The following FAT3 variants were observed in gnomAD, a reference collection of about 807,000 sequenced individuals.
FAT3 encodes the protein protocadherin Fat 3.
FAT3 carries 95 observed loss-of-function variants against 310.2 expected under a neutral mutation model. That is an observed-to-expected ratio of 0.31 (90% CI 0.26 to 0.36). The LOEUF (loss-of-function observed/expected upper bound fraction) is 0.36, where lower values mean the gene tolerates loss of function less well. Ranked by LOEUF, FAT3 falls within the 10% of genes least tolerant of loss-of-function variation. The pLI, the probability that FAT3 is intolerant of heterozygous loss-of-function variation, is 1.00. For synonymous variants in FAT3, 2,314 were observed against 2,192.9 expected (o/e 1.06, Z -1.54); for missense variants, 5,408 against 5,715.6 (o/e 0.95, Z 1.74).
intron 4 of FAT3, among the ~76,000 whole-genome samples, chr11:92,723,436 A>G (rs1470287564): frequency 6.6e-6 from 1 of 152,194 alleles, no homozygotes; most frequent in African/African-American, 2.4e-5. Flanking sequence ...ACAAGTCTCT[A>G]GGAAGTTCCA....
chr11:92,370,380 C>A (rs2134713423), intron 2 of FAT3, among the ~76,000 whole-genome samples: 1 of 152,212 alleles, frequency 6.6e-6, no homozygotes, highest in African/African-American at 2.4e-5. Context: ...AGTATGAGAT[C>A]CGAGGTTGTG....
intron 1 of FAT3, among the ~76,000 whole-genome samples, chr11:92,346,107 G>A (rs753528348): frequency 2.6e-5 from 4 of 152,010 alleles, no homozygotes; most frequent in Non-Finnish European, 5.9e-5. Flanking sequence ...CACCAACCAG[G>A]GAGTAAAACT....
intron 3 of FAT3, among the ~76,000 whole-genome samples, chr11:92,595,869 A>C (rs1939677478): frequency 6.6e-6 from 1 of 152,152 alleles, no homozygotes; most frequent in South Asian, 2.1e-4. Context: ...TAACTCTCCC[A>C]ACCTTCTGTC....
intron 21 of FAT3, among the ~76,000 whole-genome samples, chr11:92,862,699 G>T (rs918766186): frequency 5.9e-5 from 9 of 152,166 alleles, no homozygotes; most frequent in Non-Finnish European, 1.0e-4. Flanking sequence ...GAGTTTCAAT[G>T]ATCTATTTAA....
At chr11:92,707,522 C>A (rs373906167) in intron 4 of FAT3, among the ~76,000 whole-genome samples, 8 of 152,288 alleles carry the variant, frequency 5.3e-5, no homozygotes, top group African/African-American at 1.9e-4. Flanking sequence ...GTTGGTATTG[C>A]ACAACTGGCT....
chr11:92,439,155 C>T (rs1748524611), intron 2 of FAT3, among the ~76,000 whole-genome samples: 2 of 152,118 alleles, frequency 1.3e-5, no homozygotes, highest in Non-Finnish European at 2.9e-5. Flanking sequence ...TGTCTAAATT[C>T]CTTCACTTAC....
At chr11:92,782,203 A>G (rs1946771929) in intron 7 of FAT3, among the ~76,000 whole-genome samples, 3 of 152,124 alleles carry the variant, frequency 2.0e-5, no homozygotes, top group Admixed American at 1.3e-4. Context: ...ACGTGCATCT[A>G]TAGTTTCAGC....
intron 26 of FAT3, 49 bp downstream of exon 26, chr11:92,889,297 G>T: frequency 1.5e-6 from 1 of 673,066 alleles, no homozygotes. Flanking sequence ...TTGCTTCCTT[G>T]TTACTTTGGA....
intron 24 of FAT3, among the ~76,000 whole-genome samples, chr11:92,885,420 G>C (rs1949773690): frequency 6.6e-6 from 1 of 152,162 alleles, no homozygotes; most frequent in South Asian, 2.1e-4. Context: ...GTTCTTGGGA[G>C]CTTTGGCAGG....
intron 2 of FAT3, among the ~76,000 whole-genome samples, chr11:92,499,729 G>GTGTGTGTA (rs535960851): frequency 0.043 from 5,303 of 123,564 alleles, 113 homozygotes; most frequent in East Asian, 0.13. Flanking sequence ...GTGTATGTGT[G>GTGTGTGTA]TGTGTGTGTG....
chr11:92,555,906 G>C (rs1955001022), intron 3 of FAT3, among the ~76,000 whole-genome samples: 2 of 152,198 alleles, frequency 1.3e-5, no homozygotes, highest in Admixed American at 1.3e-4. Flanking sequence ...TTATATCCCA[G>C]CTCTGCCACT....
At chr11:92,504,551 A>G (rs529370265) in intron 2 of FAT3, among the ~76,000 whole-genome samples, 4 of 152,266 alleles carry the variant, frequency 2.6e-5, no homozygotes, top group East Asian at 1.9e-4. Context: ...TATGTTGCCT[A>G]TGTCTTTGAA....
At chr11:92,781,346 G>A (rs955902914) in intron 7 of FAT3, among the ~76,000 whole-genome samples, 7 of 151,470 alleles carry the variant, frequency 4.6e-5, no homozygotes, top group East Asian at 3.9e-4. Context: ...GCCTCCCACC[G>A]AGCCACCGCG....
At chr11:92,369,492 C>A (rs1949125491) in intron 2 of FAT3, among the ~76,000 whole-genome samples, 1 of 152,134 alleles carries the variant, frequency 6.6e-6, no homozygotes, top group South Asian at 2.1e-4. Context: ...GTGAGTGGAT[C>A]TGGCTCTTTG....
chr11:92,769,880 C>A (rs1442000868), intron 6 of FAT3, among the ~76,000 whole-genome samples: 1 of 152,152 alleles, frequency 6.6e-6, no homozygotes, highest in African/African-American at 2.4e-5. Flanking sequence ...TGAACCTTGT[C>A]CCCAGTGGAG....
chr11:92,229,599 C>A (rs1864085039), intron 1 of FAT3, among the ~76,000 whole-genome samples: 2 of 140,794 alleles, frequency 1.4e-5, no homozygotes. Flanking sequence ...AGAAATTCAG[C>A]TTAATGACAC....
intron 4 of FAT3, among the ~76,000 whole-genome samples, chr11:92,731,024 C>T (rs1463190512): frequency 6.6e-6 from 1 of 152,162 alleles, no homozygotes. Context: ...CTATCACCCA[C>T]CCCTTCACCC....
At chr11:92,848,599 A>G (rs1396091893) in intron 19 of FAT3, among the ~76,000 whole-genome samples, 3 of 152,274 alleles carry the variant, frequency 2.0e-5, no homozygotes, top group African/African-American at 4.8e-5. Flanking sequence ...CAGTGAGACC[A>G]TCAGAGTTTA....
At position 92,453,330 on chromosome 11, in the gene FAT3, C is replaced by T. The variant is rs16917595; in HGVS notation, c.3293-71304C>T. Among the ~76,000 whole-genome samples, 1,522 of 152,240 alleles carry T rather than the reference C, an allele frequency of 1.0e-2. 21 individuals carry two copies. The highest frequency in any genetic ancestry group is 0.035 in the African/African-American group (1,466 of 41,540). On this transcript the variant is annotated intron_variant, in intron 2 of 27. Transcript: ENST00000525166. ...ATGTTCATCATGTGCTGATACCAAG[C>T]TCGCTGCACTTTAAGCCAAGCAAAA...
Sources: gnomAD v4.1 joint callset for allele counts (sites outside exome capture counted in the v4.1 genomes callset) on GRCh38, gnomAD v4.1.1 for gene constraint, MANE v1.5 for transcripts, NCBI Gene and HGNC (gene_info 2026-07-23, HGNC 2026-07-21) for gene names.